The following RBM46 variants were observed in gnomAD, a reference collection of about 807,000 sequenced individuals.
The protein encoded by RBM46 is RNA binding motif protein 46, also known as probable RNA-binding protein 46.
A neutral mutation model predicts 43.3 loss-of-function variants in RBM46; 12 were observed. That is an observed-to-expected ratio of 0.28 (90% CI 0.18 to 0.45). The LOEUF (loss-of-function observed/expected upper bound fraction) is 0.45. Ranked by LOEUF, RBM46 falls within the 20% of genes least tolerant of loss-of-function variation. The probability of loss-of-function intolerance (pLI) is 1.00; values close to 1 mark genes in which losing one functional copy is unlikely to be tolerated. For missense variants in RBM46, 412 were observed against 639.1 expected, an observed-to-expected ratio of 0.64 and a Z score of 3.83; for synonymous variants, 205 against 207.6, an observed-to-expected ratio of 0.99 and a Z score of 0.11.
intron 4 of RBM46, among the ~76,000 whole-genome samples, chr4:154,808,620 T>C (rs975169678): frequency 1.3e-5 from 2 of 151,976 alleles, no homozygotes; most frequent in African/African-American, 4.8e-5. Context: ...GGTGACCAAA[T>C]CTGTAGTTAC....
chr4:154,796,989 A>G (rs1734384685), intron 2 of RBM46, 86 bp downstream of exon 2: 2 of 1,133,438 alleles, frequency 1.8e-6, no homozygotes, highest in Admixed American at 2.4e-5. Context: ...ATTCCAAACA[A>G]TAGCTCTCTC....
intron 4 of RBM46, among the ~76,000 whole-genome samples, chr4:154,825,341 T>C (rs1735910018): frequency 6.6e-6 from 1 of 152,202 alleles, no homozygotes; most frequent in Admixed American, 6.5e-5. Context: ...ATTGTACTTT[T>C]AGGTTCATCC....
intron 4 of RBM46, among the ~76,000 whole-genome samples, chr4:154,814,735 T>G (rs538347112): frequency 6.6e-6 from 1 of 152,140 alleles, no homozygotes; most frequent in East Asian, 1.9e-4. Flanking sequence ...GAATCACATA[T>G]GCTCTATTTT....
chr4:154,819,380 C>G (rs1227833110), intron 4 of RBM46, among the ~76,000 whole-genome samples: 1 of 152,108 alleles, frequency 6.6e-6, no homozygotes, highest in Non-Finnish European at 1.5e-5. Context: ...TTGGCACCTT[C>G]TGTTAATTCC....
chr4:154,800,064 C>A lies in RBM46; in HGVS notation c.1402+500C>A, dbSNP rs961206668. Reference sequence around the variant, plus strand: ...GGGATTACAGGCGTGAGCCACCGCACCTGGCCTACATTTAGCTTTTTAAGC... The same window carrying A: ...GGGATTACAGGCGTGAGCCACCGCAACTGGCCTACATTTAGCTTTTTAAGC... On this transcript the variant is annotated intron_variant, in intron 4 of 4. Coordinates refer to ENST00000281722, the MANE Select transcript of RBM46 (RefSeq NM_144979.5). 5.9e-5 allele frequency among the ~76,000 whole-genome samples: 9 copies of A among 152,268 alleles called. No homozygotes were observed. In the Middle Eastern group the frequency reaches 0.01, roughly 173 times the overall value.
chr4:154,808,684 T>A (rs1302926900), intron 4 of RBM46, among the ~76,000 whole-genome samples: 1 of 152,032 alleles, frequency 6.6e-6, no homozygotes, highest in African/African-American at 2.4e-5. Flanking sequence ...AGGTTCCAGG[T>A]GAGCCATTAT....
chr4:154,814,002 T>C (rs1434674245), intron 4 of RBM46, among the ~76,000 whole-genome samples: 1 of 152,080 alleles, frequency 6.6e-6, no homozygotes, highest in African/African-American at 2.4e-5. Context: ...GTAATTAGTT[T>C]CAGTGACATT....
At position 154,799,514 on chromosome 4, in the gene RBM46, C is replaced by A; in HGVS notation, c.1352C>A (p.Thr451Lys). 6.3e-7 allele frequency: 1 copy of A among 1,596,858 alleles called. No homozygotes were observed. Reference protein sequence around the residue: ...SYFMPDKLCTTLEDAKELAAQ... With the variant: ...SYFMPDKLCTKLEDAKELAAQ... ...TTCATGCCAGACAAACTCTGTACTA[C>A]GTTAGAAGATGCAAAGGAACTGGCA... The change falls in exon 4 of 5, where the codon ACG (threonine) becomes AAG (lysine). Residue 451 changes from threonine (T) to lysine (K), a missense_variant. Thr to Lys is a moderately conservative substitution (Grantham distance 78, BLOSUM62 -1). Around this residue, in one of 8 missense-constraint regions of RBM46, gnomAD observed 149 missense variants for 156.3 expected, o/e 0.95. Coordinates refer to ENST00000281722, the MANE Select transcript of RBM46 (RefSeq NM_144979.5).
chr4:154,822,683 C>A (rs901100112), intron 4 of RBM46, among the ~76,000 whole-genome samples: 1 of 150,914 alleles, frequency 6.6e-6, no homozygotes, highest in Non-Finnish European at 1.5e-5. Context: ...TAAAATGGTA[C>A]AATGAGGATT....
rs1736071897 is a variant in RBM46 at position 154,828,554 on chromosome 4, A to G, written c.*487A>G. ...GAAATGATGAGACAAAAAGATTAAG[A>G]TACAAATTTTGTGCAGTACTAAAGA... On this transcript the variant is annotated 3_prime_UTR_variant, in exon 5 of 5. Transcript: ENST00000281722. The G allele has an allele frequency of 6.5e-6, 1 of 153,648 alleles. No homozygotes were observed. The highest frequency in any genetic ancestry group is 1.5e-5 in the Non-Finnish European group (1 of 68,838). The allele number at this position is 153,648 out of a possible 1,614,324, so 9.5% of individuals were successfully genotyped here. A position where few individuals can be genotyped will look rare whatever the true frequency, so the allele number is the denominator to read the frequency against.
intron 4 of RBM46, chr4:154,827,175 T>C (rs2111229133): frequency 1.1e-6 from 1 of 908,916 alleles, no homozygotes; most frequent in African/African-American, 1.8e-5. Flanking sequence ...TCAAATGTTA[T>C]TTTTTAATAA....
At chr4:154,797,121 A>G (rs1423279161) in intron 2 of RBM46, among the ~76,000 whole-genome samples, 1 of 152,190 alleles carries the variant, frequency 6.6e-6, no homozygotes, top group East Asian at 1.9e-4. Context: ...CAGTTGAGAA[A>G]GAAGCTGGGC....
At chr4:154,827,767 C>T in intron 4 of RBM46, 101 bp from the exon 5 acceptor site, 1 of 1,566,136 alleles carries the variant, frequency 6.4e-7, no homozygotes, top group Non-Finnish European at 8.6e-7. Context: ...AGTGTTAGAA[C>T]ATTATGTTAA....
At chr4:154,790,720 G>A (rs1560891829) in intron 1 of RBM46, among the ~76,000 whole-genome samples, 1 of 152,136 alleles carries the variant, frequency 6.6e-6, no homozygotes, top group Admixed American at 6.5e-5. Context: ...TTTATATTTG[G>A]ACAGATAGCT....
intron 4 of RBM46, among the ~76,000 whole-genome samples, chr4:154,808,611 G>T (rs973648830): frequency 2.0e-5 from 3 of 151,854 alleles, no homozygotes; most frequent in Admixed American, 1.3e-4. Context: ...TGGTCCAAGG[G>T]TGACCAAATC....
intron 4 of RBM46, among the ~76,000 whole-genome samples, chr4:154,803,518 C>T (rs993973472): frequency 5.3e-5 from 8 of 151,440 alleles, no homozygotes; most frequent in Non-Finnish European, 1.2e-4. Context: ...CTGGCGAACA[C>T]GGTGAAACCC....
rs757978041 is a variant in RBM46 at position 154,799,370 on chromosome 4, A to G, written c.1208A>G (p.Asn403Ser). ...SAVMHLDYYC[N>S]KNNWAPPEYY... ...GTAATGCATTTGGATTATTACTGCAACAAAAATAACTGGGCACCACCAGAA... is the reference window on the plus strand; with the variant it reads ...GTAATGCATTTGGATTATTACTGCAGCAAAAATAACTGGGCACCACCAGAA... Residue 403 changes from asparagine (N) to serine (S), a missense_variant, in exon 4 of 5, where the codon AAC becomes AGC. Physicochemically the swap from Asn to Ser is conservative, Grantham distance 46. Coordinates refer to ENST00000281722, the MANE Select transcript of RBM46 (RefSeq NM_144979.5). 3.7e-6 allele frequency: 6 copies of G among 1,613,912 alleles called. No homozygotes were observed. Among genetic ancestry groups the G allele is most frequent in the Non-Finnish European group, 4.2e-6 (5 of 1,179,914 alleles).
At chr4:154,798,609 G>T (rs567788202) in intron 3 of RBM46, among the ~76,000 whole-genome samples, 173 bp from the exon 4 acceptor site, 3 of 152,102 alleles carry the variant, frequency 2.0e-5, no homozygotes, top group East Asian at 3.9e-4. Flanking sequence ...TACATAGTAA[G>T]TTTTAGTTAT....
chr4:154,819,501 C>T (rs934132980), intron 4 of RBM46, among the ~76,000 whole-genome samples: 12 of 152,114 alleles, frequency 7.9e-5, no homozygotes, highest in African/African-American at 2.9e-4. Context: ...CCCCATAATT[C>T]GTCACTGTCT....
Sources: allele counts gnomAD v4.1 joint callset (sites outside exome capture counted in the v4.1 genomes callset), GRCh38; gene constraint gnomAD v4.1.1; regional missense constraint gnomAD v4.1.1; transcripts MANE v1.5; gene names NCBI Gene and HGNC (gene_info 2026-07-23, HGNC 2026-07-21).